The following CHSY3 variants were observed in gnomAD, a reference collection of about 807,000 sequenced individuals.
CHSY3 encodes the protein N-acetylgalactosaminyl-proteoglycan 3-beta-glucuronosyltransferase 3.
CHSY3 carries 35 observed loss-of-function variants against 67.2 expected under a neutral mutation model. The ratio of observed to expected loss-of-function variants is 0.52; its 90% confidence interval spans 0.40 to 0.69. The LOEUF (loss-of-function observed/expected upper bound fraction) is 0.69. CHSY3 is among the 30% of genes least tolerant of loss of function. CHSY3 has a pLI of 0.00. For missense variants in CHSY3, 1,069 were observed against 1,138.5 expected (o/e 0.94, Z 0.88); for synonymous variants, 474 against 434.7 (o/e 1.09, Z -1.12).
chr5:129,988,614 G>C (rs1043474195), intron 2 of CHSY3, among the ~76,000 whole-genome samples: 4 of 152,128 alleles, frequency 2.6e-5, no homozygotes, highest in Non-Finnish European at 4.4e-5. Flanking sequence ...TAGGCACTCA[G>C]TAAATATTTC....
chr5:129,944,922 T>C (rs1381278666), intron 2 of CHSY3, among the ~76,000 whole-genome samples: 2 of 152,214 alleles, frequency 1.3e-5, no homozygotes, highest in Non-Finnish European at 2.9e-5. Context: ...ATAAGTGAGT[T>C]TTTTGTTTAA....
At chr5:129,948,508 A>G (rs1761930663) in intron 2 of CHSY3, among the ~76,000 whole-genome samples, 1 of 152,210 alleles carries the variant, frequency 6.6e-6, no homozygotes, top group Non-Finnish European at 1.5e-5. Flanking sequence ...GTTACTGTGA[A>G]TGCCATTGTA....
At chr5:129,952,470 G>A (rs1449194318) in intron 2 of CHSY3, among the ~76,000 whole-genome samples, 1 of 152,154 alleles carries the variant, frequency 6.6e-6, no homozygotes, top group Non-Finnish European at 1.5e-5. Context: ...TCAGAAATGA[G>A]CGTATAACTT....
intron 2 of CHSY3, chr5:130,140,617 G>A: frequency 2.4e-6 from 1 of 420,590 alleles, no homozygotes; most frequent in Non-Finnish European, 4.2e-6. Flanking sequence ...TCTTTGACCT[G>A]GGAGATGGCA....
intron 2 of CHSY3, among the ~76,000 whole-genome samples, chr5:130,174,380 AC>A (rs1769983663): frequency 6.6e-6 from 1 of 151,818 alleles, no homozygotes; most frequent in Non-Finnish European, 1.5e-5. Flanking sequence ...AATTAAGGAG[AC>A]TTTTTTCCTT....
chr5:130,160,904 T>C (rs1291979255), intron 2 of CHSY3, among the ~76,000 whole-genome samples: 2 of 141,046 alleles, frequency 1.4e-5, no homozygotes, highest in African/African-American at 5.8e-5. Context: ...TATTTTTTTT[T>C]TTTTATTTTT....
chr5:130,030,181 T>C (rs1208417846), intron 2 of CHSY3, among the ~76,000 whole-genome samples: 2 of 152,156 alleles, frequency 1.3e-5, no homozygotes, highest in Non-Finnish European at 2.9e-5. Flanking sequence ...TCACCTAAAA[T>C]ATCTTTGTCA....
Position 130,020,439 on chromosome 5 carries a change from ATATATATATATATATATATATAT to A in CHSY3, c.1086+112081_1086+112103del, listed in dbSNP as rs1442735645. ...CATCTCAAAATATATATATATATAT[ATATATATATATATATATATATAT>A]TTTTTTTTTTTTTTTTTCCTCTGGC... On this transcript the variant is annotated intron_variant, in intron 2 of 2. Transcript: ENST00000305031. Among the ~76,000 whole-genome samples the A allele has an allele frequency of 7.1e-3, 54 of 7,570 alleles. 3 individuals carry two copies. Among genetic ancestry groups the A allele is most frequent in the African/African-American group, 0.012 (51 of 4,236 alleles). The allele number at this position is 7,570 out of a possible 152,430, so 5.0% of individuals were successfully genotyped here.
At position 130,087,715 on chromosome 5, in the gene CHSY3, A is replaced by C. The variant is rs1016239372; in HGVS notation, c.1087-96514A>C. Among the ~76,000 whole-genome samples, 14 of 152,078 alleles carry C rather than the reference A, an allele frequency of 9.2e-5. 1 individual carries two copies. In the South Asian group the frequency reaches 2.3e-3, roughly 25 times the overall value. On this transcript the variant is annotated intron_variant, in intron 2 of 2. Coordinates refer to ENST00000305031, the MANE Select transcript of CHSY3 (RefSeq NM_175856.5). ...ACAAACCACTGCTCAAGGAAATAAA[A>C]GAGGATACAAACAAATGGAAGAACA...
At chr5:130,034,089 G>A (rs1261194494) in intron 2 of CHSY3, among the ~76,000 whole-genome samples, 2 of 152,030 alleles carry the variant, frequency 1.3e-5, no homozygotes, top group African/African-American at 2.4e-5. Flanking sequence ...ACACAATAAC[G>A]TTCCCCAGAT....
chr5:130,075,528 C>G (rs560057574), intron 2 of CHSY3, among the ~76,000 whole-genome samples: 1 of 152,062 alleles, frequency 6.6e-6, no homozygotes, highest in Non-Finnish European at 1.5e-5. Flanking sequence ...TCTTATTTTT[C>G]AAGTGGCTGT....
chr5:130,101,560 A>G (rs144689339), intron 2 of CHSY3, among the ~76,000 whole-genome samples: 27 of 152,254 alleles, frequency 1.8e-4, no homozygotes, highest in Non-Finnish European at 3.1e-4. Flanking sequence ...TCGTTATCAT[A>G]CCCATTACCT....
chr5:130,000,592 CTT>C (rs5871374), intron 2 of CHSY3, among the ~76,000 whole-genome samples: 42 of 144,710 alleles, frequency 2.9e-4, no homozygotes, highest in African/African-American at 5.0e-4. Context: ...CTTTCACCCA[CTT>C]TTTTTTTTTT....
At chr5:130,037,393 G>A (rs549635875) in intron 2 of CHSY3, among the ~76,000 whole-genome samples, 9 of 152,258 alleles carry the variant, frequency 5.9e-5, no homozygotes, top group Admixed American at 2.0e-4. Flanking sequence ...CAGGGCAGAG[G>A]CTGTTAGAGT....
intron 2 of CHSY3, among the ~76,000 whole-genome samples, chr5:130,074,170 A>G (rs1766179574): frequency 6.6e-6 from 1 of 152,100 alleles, no homozygotes; most frequent in Non-Finnish European, 1.5e-5. Flanking sequence ...TTCCAGGTTC[A>G]AGTGATTCCT....
intron 2 of CHSY3, among the ~76,000 whole-genome samples, chr5:130,005,554 A>G (rs567298877): frequency 6.6e-6 from 1 of 152,362 alleles, no homozygotes; most frequent in African/African-American, 2.4e-5. Context: ...GTTTATTTTA[A>G]TAGTCTGAAG....
intron 2 of CHSY3, among the ~76,000 whole-genome samples, chr5:130,010,601 C>T (rs1764027306): frequency 6.6e-6 from 1 of 151,960 alleles, no homozygotes; most frequent in Non-Finnish European, 1.5e-5. Context: ...GCAAACAAAG[C>T]CCAAAGCTGG....
rs572922666 is a variant in CHSY3, at chr5:130,155,225, T to G, written c.1087-29004T>G. Among the ~76,000 whole-genome samples, 7 of 152,354 alleles carry G rather than the reference T, an allele frequency of 4.6e-5. No individual in the cohort carries two copies. In the East Asian group the frequency reaches 1.4e-3, roughly 29 times the overall value. ...TTGTAATGGGCCAGCAGATTTTCTT[T>G]GTATAGTAAACGTGGGACCTTTACA... On this transcript the variant is annotated intron_variant, in intron 2 of 2. Coordinates refer to ENST00000305031, the MANE Select transcript of CHSY3 (RefSeq NM_175856.5).
rs527312358 is a variant in CHSY3 at position 129,954,738 on chromosome 5, G to A, written c.1086+46378G>A. On this transcript the variant is annotated intron_variant, in intron 2 of 2. Transcript: ENST00000305031. ...TATTCCTAGGTAATTTATTCTCTTG[G>A]TAGCAATTGTGAATGGGAGTTCACT... Among the ~76,000 whole-genome samples, 16 of 152,100 alleles carry A rather than the reference G, an allele frequency of 1.1e-4. No individual in the cohort carries two copies. In the East Asian group the frequency reaches 2.3e-3, roughly 22 times the overall value.
Sources: allele counts gnomAD v4.1 joint callset (sites outside exome capture counted in the v4.1 genomes callset), GRCh38; gene constraint gnomAD v4.1.1; transcripts MANE v1.5; gene names NCBI Gene and HGNC (gene_info 2026-07-23, HGNC 2026-07-21).